Variants in CBX5 observed in about 807,000 individuals in gnomAD.
CBX5 encodes the protein chromobox 5.
Under a neutral mutation model 20.7 loss-of-function variants are expected in CBX5, and 7 were observed. The ratio of observed to expected loss-of-function variants is 0.34; its 90% CI spans 0.19 to 0.63. The LOEUF (loss-of-function observed/expected upper bound fraction) is 0.63. CBX5 is among the 30% of genes least tolerant of loss of function. The pLI, the probability that CBX5 is intolerant of heterozygous loss-of-function variation, is 0.75. For missense variants in CBX5, 110 were observed against 224.1 expected (o/e 0.49, Z 3.25); for synonymous variants, 78 against 77.0 (o/e 1.01, Z -0.07).
Position 54,237,031 on chromosome 12 carries a change from T to C in CBX5, c.*4724A>G, listed in dbSNP as rs1257418619. On this transcript the variant is annotated 3_prime_UTR_variant, in exon 5 of 5. Transcript: ENST00000209875. ...TACAGGGACAGAACCAATCTTTCAT[T>C]AATGACACAAAGTAGAATGCACAAA... The C allele has an allele frequency of 7.2e-5, 11 of 152,206 alleles. No homozygotes were observed. Among genetic ancestry groups the C allele is most frequent in the Non-Finnish European group, 1.6e-4 (11 of 68,050 alleles). 9.4% of individuals were successfully genotyped at this position (152,206 alleles called of 1,614,324 possible).
chr12:54,251,961 CA>C, intron 3 of CBX5, 79 bp downstream of exon 3: 1 of 1,301,720 alleles, frequency 7.7e-7, no homozygotes, highest in Non-Finnish European at 1.0e-6. Context: ...TAGAAATAAC[CA>C]AAATATGATA....
At chr12:54,270,280 C>A (rs538157845) in intron 1 of CBX5, among the ~76,000 whole-genome samples, 1 of 152,210 alleles carries the variant, frequency 6.6e-6, no homozygotes, top group African/African-American at 2.4e-5. Context: ...CTGCATCCCA[C>A]AATTTTGTTT....
chr12:54,252,812 G>A (rs866760019), intron 2 of CBX5, among the ~76,000 whole-genome samples: 4 of 151,594 alleles, frequency 2.6e-5, no homozygotes, highest in African/African-American at 9.7e-5. Context: ...CAGTGAAACC[G>A]TGTCTCTACT....
intron 1 of CBX5, among the ~76,000 whole-genome samples, chr12:54,275,827 G>C (rs1944058946): frequency 6.6e-6 from 1 of 151,766 alleles, no homozygotes; most frequent in Non-Finnish European, 1.5e-5. Flanking sequence ...CCAACATGGA[G>C]AAACCCCGTC....
rs1396199535 is a variant in CBX5 at position 54,236,221 on chromosome 12, T to C, written c.*5534A>G. ...GAAATGTGTATTGGTTTATAGCATT[T>C]ATTATACCAAACTATTTTTTTTTTG... On this transcript the variant is annotated 3_prime_UTR_variant, in exon 5 of 5. Transcript: ENST00000209875. 6.6e-6 allele frequency: 1 copy of C among 152,236 alleles called. No individual in the cohort carries two copies. Among genetic ancestry groups the C allele is most frequent in the Non-Finnish European group, 1.5e-5 (1 of 68,054 alleles). 9.4% of individuals were successfully genotyped at this position (152,236 alleles called of 1,614,324 possible). A position where few individuals can be genotyped will look rare whatever the true frequency, so the allele number is the denominator to read the frequency against.
At chr12:54,267,244 T>C (rs1176789789) in intron 1 of CBX5, among the ~76,000 whole-genome samples, 2 of 152,216 alleles carry the variant, frequency 1.3e-5, no homozygotes, top group East Asian at 3.8e-4. Context: ...GTCATGAATC[T>C]TAGATTTATA....
intron 2 of CBX5, among the ~76,000 whole-genome samples, chr12:54,252,997 A>AG (rs1371032174): frequency 1.8e-4 from 28 of 151,936 alleles, no homozygotes; most frequent in African/African-American, 6.5e-4. Context: ...AAAAAAAAAA[A>AG]AAAAGCAGAT....
intron 1 of CBX5, among the ~76,000 whole-genome samples, chr12:54,278,494 G>C (rs532360958): frequency 1.3e-5 from 2 of 152,252 alleles, no homozygotes; most frequent in Non-Finnish European, 2.9e-5. Context: ...GTCTGTCTTT[G>C]GTATAAAGTC....
At chr12:54,252,713 G>C (rs1417167322) in intron 2 of CBX5, among the ~76,000 whole-genome samples, 1 of 152,074 alleles carries the variant, frequency 6.6e-6, no homozygotes, top group East Asian at 1.9e-4. Context: ...AGCCGGGCAC[G>C]GTGGCTCACA....
At chr12:54,244,711 C>CGAAAGAG (rs747485536) in intron 4 of CBX5, among the ~76,000 whole-genome samples, 2 of 151,796 alleles carry the variant, frequency 1.3e-5, no homozygotes, top group Non-Finnish European at 2.9e-5. Flanking sequence ...GCACTCTAGG[C>CGAAAGAG]GAAAGAGACT....
Position 54,236,067 on chromosome 12 carries a change from A to G in CBX5, c.*5688T>C, listed in dbSNP as rs1436651337. 1 of 152,114 alleles carries G rather than the reference A, an allele frequency of 6.6e-6. No individual in the cohort carries two copies. Among genetic ancestry groups the G allele is most frequent in the Non-Finnish European group, 1.5e-5 (1 of 68,022 alleles). The allele number at this position is 152,114 out of a possible 1,614,324, so 9.4% of individuals were successfully genotyped here. A position where few individuals can be genotyped will look rare whatever the true frequency, so the allele number is the denominator to read the frequency against. On this transcript the variant is annotated 3_prime_UTR_variant, in exon 5 of 5. Transcript: ENST00000209875. Reference sequence around the variant, plus strand: ...TTCCTGGAATATGTTCTTGTGTTCTATGGCCAGCTGGCTCAGTTCACCCAA... The same window carrying G: ...TTCCTGGAATATGTTCTTGTGTTCTGTGGCCAGCTGGCTCAGTTCACCCAA...
chr12:54,249,584 C>G (rs1192733052), intron 3 of CBX5, among the ~76,000 whole-genome samples: 1 of 151,914 alleles, frequency 6.6e-6, no homozygotes, highest in South Asian at 2.1e-4. Flanking sequence ...AGTAGACTTA[C>G]GCTTTTATGA....
rs910360866 is a variant in CBX5, at chr12:54,239,253, A to G, written c.*2502T>C. 6.6e-6 allele frequency: 1 copy of G among 152,234 alleles called. No individual in the cohort carries two copies. Among genetic ancestry groups the G allele is most frequent in the African/African-American group, 2.4e-5 (1 of 41,460 alleles). 9.4% of individuals were successfully genotyped at this position (152,234 alleles called of 1,614,324 possible). ...TTCGGTAAAAGAATATCAGATTTTT[A>G]TGAATGTCTTAAATATTACCTATAA... On this transcript the variant is annotated 3_prime_UTR_variant, in exon 5 of 5. Coordinates refer to ENST00000209875, the MANE Select transcript of CBX5 (RefSeq NM_012117.3).
rs1359971275 is a variant in CBX5 at position 54,233,551 on chromosome 12, T to C, written c.*8204A>G. Reference sequence around the variant, plus strand: ...TTCTAGGCAGAAAGCCTCTCCTTTCTTCCATACCTCTTCACAGCAGCCAGT... The same window carrying C: ...TTCTAGGCAGAAAGCCTCTCCTTTCCTCCATACCTCTTCACAGCAGCCAGT... On this transcript the variant is annotated 3_prime_UTR_variant, in exon 5 of 5. Transcript: ENST00000209875. 2 of 152,236 alleles carry C rather than the reference T, an allele frequency of 1.3e-5. No individual in the cohort carries two copies. The highest frequency in any genetic ancestry group is 2.9e-5 in the Non-Finnish European group (2 of 68,062). 9.4% of individuals were successfully genotyped at this position (152,236 alleles called of 1,614,324 possible).
intron 1 of CBX5, among the ~76,000 whole-genome samples, chr12:54,270,868 A>T (rs531287833): frequency 6.6e-6 from 1 of 151,976 alleles, no homozygotes; most frequent in African/African-American, 2.4e-5. Flanking sequence ...TCCGGGCAAC[A>T]TAACGAGACC....
chr12:54,276,464 T>C lies in CBX5; in HGVS notation c.-43+3544A>G, dbSNP rs80009617. ...TACCGAAAGTGAAAAACAGAATGGT[T>C]ATGTGGATACTTGAAATATGGTTTC... is the stretch of plus-strand genomic sequence containing the variant. On this transcript the variant is annotated intron_variant, in intron 1 of 4. Transcript: ENST00000209875. Among the ~76,000 whole-genome samples, 1,400 of 152,314 alleles carry C rather than the reference T, an allele frequency of 9.2e-3. 8 individuals carry two copies. The highest frequency in any genetic ancestry group is 0.016 in the Non-Finnish European group (1,116 of 68,040).
chr12:54,246,780 CAAAA>C (rs772454046), intron 3 of CBX5, among the ~76,000 whole-genome samples: 2 of 46,214 alleles, frequency 4.3e-5, no homozygotes, highest in African/African-American at 7.7e-5. Flanking sequence ...GACTCCGTCT[CAAAA>C]AAAAAAAAAA....
intron 1 of CBX5, among the ~76,000 whole-genome samples, chr12:54,276,091 C>G (rs1944063734): frequency 6.6e-6 from 1 of 151,164 alleles, no homozygotes; most frequent in African/African-American, 2.4e-5. Context: ...ATAAAACAAG[C>G]AGTTTTCACT....
chr12:54,257,411 G>A (rs574502702), intron 2 of CBX5, 103 bp downstream of exon 2: 2 of 1,159,446 alleles, frequency 1.7e-6, no homozygotes, highest in East Asian at 4.7e-5. Context: ...AAGAGTGCAG[G>A]AGGGGGAAGA....
Sources: allele counts gnomAD v4.1 joint callset (sites outside exome capture counted in the v4.1 genomes callset), GRCh38; gene constraint gnomAD v4.1.1; transcripts MANE v1.5; gene names NCBI Gene and HGNC (gene_info 2026-07-23, HGNC 2026-07-21).